Variants in CNTNAP5 observed in about 807,000 individuals in gnomAD.
CNTNAP5 encodes contactin-associated protein-like 5.
CNTNAP5 carries 72 observed loss-of-function variants against 150.2 expected under a neutral mutation model. That is an observed-to-expected ratio of 0.48 (90% confidence interval 0.40 to 0.58). The LOEUF is 0.58. CNTNAP5 is among the 20% of genes least tolerant of loss of function. The pLI, the probability that CNTNAP5 is intolerant of heterozygous loss-of-function variation, is 0.00. For synonymous variants in CNTNAP5, 672 were observed against 619.8 expected (o/e 1.08, Z -1.25); for missense variants, 1,636 against 1,626.2 (o/e 1.01, Z -0.10).
At chr2:124,602,275 GA>G (rs1370690867) in intron 11 of CNTNAP5, among the ~76,000 whole-genome samples, 22 of 147,980 alleles carry the variant, frequency 1.5e-4, no homozygotes. Context: ...CAGGAAGTCG[GA>G]GGTTGTAGTG....
intron 3 of CNTNAP5, among the ~76,000 whole-genome samples, chr2:124,340,758 AAAAC>A (rs556207581): frequency 2.0e-4 from 30 of 150,818 alleles, no homozygotes; most frequent in Non-Finnish European, 2.8e-4. Flanking sequence ...GTCTCTACCA[AAAAC>A]AAACAAACAA....
intron 1 of CNTNAP5, among the ~76,000 whole-genome samples, chr2:124,158,418 A>G (rs970918036): frequency 6.6e-6 from 1 of 152,154 alleles, no homozygotes; most frequent in Non-Finnish European, 1.5e-5. Context: ...TTTAAATCCT[A>G]TCTGAGTGAC....
chr2:124,132,215 G>T (rs770072421), intron 1 of CNTNAP5, among the ~76,000 whole-genome samples: 1 of 152,230 alleles, frequency 6.6e-6, no homozygotes, highest in South Asian at 2.1e-4. Flanking sequence ...AGAACCTATC[G>T]CTTCTCCTTG....
intron 14 of CNTNAP5, among the ~76,000 whole-genome samples, chr2:124,748,176 T>G (rs1680649994): frequency 6.6e-6 from 1 of 152,188 alleles, no homozygotes; most frequent in Non-Finnish European, 1.5e-5. Flanking sequence ...TGTATATTTA[T>G]TAAGCATCTA....
At chr2:124,840,711 A>G (rs1472189599) in intron 19 of CNTNAP5, among the ~76,000 whole-genome samples, 1 of 152,056 alleles carries the variant, frequency 6.6e-6, no homozygotes, top group African/African-American at 2.4e-5. Flanking sequence ...AAACAGACCA[A>G]AGTTATTCAT....
chr2:124,716,861 C>G (rs1033160731), intron 13 of CNTNAP5, among the ~76,000 whole-genome samples: 90 of 152,200 alleles, frequency 5.9e-4, no homozygotes, highest in African/African-American at 1.9e-3. Flanking sequence ...TGTGGAAATA[C>G]CCATCTCTTG....
chr2:124,653,930 C>T (rs1018664618), intron 13 of CNTNAP5, among the ~76,000 whole-genome samples: 1 of 137,974 alleles, frequency 7.2e-6, no homozygotes, highest in Non-Finnish European at 1.5e-5. Flanking sequence ...CCCCGCCACA[C>T]ACACACAATC....
chr2:124,894,249 C>T (rs921289048), intron 21 of CNTNAP5, among the ~76,000 whole-genome samples: 3 of 147,552 alleles, frequency 2.0e-5, no homozygotes, highest in Non-Finnish European at 2.9e-5. Context: ...ATGGCTTTTA[C>T]ATTTTTTTGG....
intron 21 of CNTNAP5, among the ~76,000 whole-genome samples, chr2:124,876,590 T>C (rs1412166632): frequency 6.6e-6 from 1 of 152,016 alleles, no homozygotes; most frequent in Non-Finnish European, 1.5e-5. Context: ...TGAGCTATGC[T>C]CTTTTAATAA....
At chr2:124,913,235 A>G (rs1197918967) in intron 23 of CNTNAP5, among the ~76,000 whole-genome samples, 1 of 152,094 alleles carries the variant, frequency 6.6e-6, no homozygotes, top group Non-Finnish European at 1.5e-5. Flanking sequence ...CTTATCATAC[A>G]TATTTTTAAA....
intron 1 of CNTNAP5, among the ~76,000 whole-genome samples, chr2:124,076,558 A>G (rs1231527471): frequency 1.3e-5 from 2 of 151,350 alleles, no homozygotes; most frequent in Admixed American, 1.3e-4. Flanking sequence ...TACCACAAAC[A>G]CTCTCTTGGT....
chr2:124,286,208 C>G (rs1027724390), intron 3 of CNTNAP5, among the ~76,000 whole-genome samples: 1 of 152,134 alleles, frequency 6.6e-6, no homozygotes, highest in African/African-American at 2.4e-5. Flanking sequence ...GGACTCAATT[C>G]GAATCTGCCT....
At chr2:124,399,618 C>T (rs895828138) in intron 3 of CNTNAP5, among the ~76,000 whole-genome samples, 1 of 151,810 alleles carries the variant, frequency 6.6e-6, no homozygotes, top group Admixed American at 6.6e-5. Context: ...CCAGCACCAG[C>T]CTTAGCTTAT....
intron 13 of CNTNAP5, among the ~76,000 whole-genome samples, chr2:124,745,190 C>G (rs1432005073): frequency 6.6e-6 from 1 of 152,146 alleles, no homozygotes; most frequent in Non-Finnish European, 1.5e-5. Context: ...AGAAGTTGCA[C>G]ACAAACTGGC....
chr2:124,777,738 T>C (rs1360777275), intron 17 of CNTNAP5, among the ~76,000 whole-genome samples: 1 of 151,646 alleles, frequency 6.6e-6, no homozygotes, highest in Non-Finnish European at 1.5e-5. Flanking sequence ...TTGGTCTCTG[T>C]TGGATTGACA....
chr2:124,608,932 G>A (rs1163289693), intron 11 of CNTNAP5, among the ~76,000 whole-genome samples: 2 of 149,850 alleles, frequency 1.3e-5, no homozygotes, highest in African/African-American at 4.9e-5. Context: ...CAACAGAGCA[G>A]ACTCTACCTC....
chr2:124,105,952 T>G (rs1443245186), intron 1 of CNTNAP5, among the ~76,000 whole-genome samples: 8 of 152,212 alleles, frequency 5.3e-5, no homozygotes. Context: ...ATCTATTACA[T>G]CTCATTTTTA....
chr2:124,681,755 G>A (rs1383832924), intron 13 of CNTNAP5, among the ~76,000 whole-genome samples: 1 of 151,974 alleles, frequency 6.6e-6, no homozygotes, highest in Non-Finnish European at 1.5e-5. Context: ...ATTAGAGACG[G>A]GTTTCACCAT....
chr2:124,765,804 AAATTATCCACGTGTGGTGCCAGGTG>A (rs1681055671), intron 16 of CNTNAP5, among the ~76,000 whole-genome samples: 2 of 152,102 alleles, frequency 1.3e-5, no homozygotes, highest in South Asian at 4.1e-4. Flanking sequence ...AAAAATACAA[AAATTATCCACGTGTGGTGCCAGGTG>A]CCTGTAATCC....
Sources: allele counts gnomAD v4.1 joint callset (sites outside exome capture counted in the v4.1 genomes callset), GRCh38; gene constraint gnomAD v4.1.1; transcripts MANE v1.5; gene names NCBI Gene and HGNC (gene_info 2026-07-23, HGNC 2026-07-21).